The following NCAM1 variants were observed in gnomAD, a reference collection of about 807,000 sequenced individuals.
NCAM1 encodes neural cell adhesion molecule 1, also known as antigen recognized by monoclonal antibody 5.1H11.
NCAM1 carries 14 observed loss-of-function variants against 109.8 expected under a neutral mutation model. The observed-to-expected ratio is 0.13, with a 90% confidence interval of 0.08 to 0.20. NCAM1 has a LOEUF of 0.20. NCAM1 is among the 10% of genes least tolerant of loss of function. The pLI is 1.00. For synonymous variants in NCAM1, 418 were observed against 442.9 expected, an observed-to-expected ratio of 0.94 and a Z score of 0.70; for missense variants, 774 against 1,109.9, an observed-to-expected ratio of 0.70 and a Z score of 4.30.
intron 1 of NCAM1, among the ~76,000 whole-genome samples, chr11:113,153,525 T>C (rs745830555): frequency 6.6e-6 from 1 of 152,032 alleles, no homozygotes; most frequent in Admixed American, 6.6e-5. Context: ...ATGTTTGTCA[T>C]GATTCTGGCT....
intron 1 of NCAM1, among the ~76,000 whole-genome samples, chr11:113,056,884 A>G (rs1051976474): frequency 1.7e-4 from 26 of 152,198 alleles, no homozygotes; most frequent in Non-Finnish European, 1.3e-4. Context: ...GCGATAGATA[A>G]CTAATATATT....
At chr11:113,018,032 G>C (rs1266869298) in intron 1 of NCAM1, among the ~76,000 whole-genome samples, 3 of 152,176 alleles carry the variant, frequency 2.0e-5, no homozygotes, top group African/African-American at 7.2e-5. Flanking sequence ...GTTGGAGTAA[G>C]TTTCCACTGG....
At chr11:113,097,050 C>T (rs1304652981) in intron 1 of NCAM1, among the ~76,000 whole-genome samples, 1 of 152,162 alleles carries the variant, frequency 6.6e-6, no homozygotes, top group Non-Finnish European at 1.5e-5. Context: ...ATCTAATGCC[C>T]TAATGGAAAG....
At chr11:113,262,401 C>A (rs1946034177) in intron 17 of NCAM1, among the ~76,000 whole-genome samples, 1 of 152,228 alleles carries the variant, frequency 6.6e-6, no homozygotes, top group Non-Finnish European at 1.5e-5. Context: ...ATCTAAGAGG[C>A]TTCACCTTAG....
intron 1 of NCAM1, among the ~76,000 whole-genome samples, chr11:113,149,442 G>A (rs1284904386): frequency 6.6e-6 from 1 of 152,188 alleles, no homozygotes; most frequent in Non-Finnish European, 1.5e-5. Flanking sequence ...GCTGAGGACA[G>A]GGCAGAGGAA....
intron 14 of NCAM1, chr11:113,240,843 A>G: frequency 6.2e-7 from 1 of 1,611,612 alleles, no homozygotes; most frequent in South Asian, 1.1e-5. Flanking sequence ...AGTGAGTATC[A>G]TTTTCTTCAT....
In NCAM1 at chr11:113,036,752, C is replaced by T. The variant is rs571587377; in HGVS notation, c.52+75088C>T. On this transcript the variant is annotated intron_variant, in intron 1 of 19. Coordinates refer to ENST00000316851, the MANE Select transcript of NCAM1 (RefSeq NM_181351.5). ...TACCTTGCAAGGTAAGCTTCTACCC[C>T]GCCCCACCTCAAATATTTCAAGGAA... Among the ~76,000 whole-genome samples, 11 of 152,228 alleles carry T rather than the reference C, an allele frequency of 7.2e-5. No individual in the cohort carries two copies. In the East Asian group the frequency reaches 1.9e-3, roughly 27 times the overall value.
At chr11:112,995,615 T>C (rs1361230539) in intron 1 of NCAM1, among the ~76,000 whole-genome samples, 1 of 152,220 alleles carries the variant, frequency 6.6e-6, no homozygotes, top group Non-Finnish European at 1.5e-5. Context: ...CATGCTATTA[T>C]TATCTATTCT....
In NCAM1 at chr11:113,190,874, A is replaced by G. The variant is rs147724307; in HGVS notation, c.53-11505A>G. 5.3e-5 allele frequency among the ~76,000 whole-genome samples: 8 copies of G among 152,248 alleles called. No homozygotes were observed. The East Asian group carries it at 1.5e-3, about 29-fold the overall frequency. ...TCCAACAGGAATCCCTTTAACATGG[A>G]CACTCTACAGATGACCCCTTAAGGA... On this transcript the variant is annotated intron_variant, in intron 1 of 19. Transcript: ENST00000316851.
At chr11:113,209,142 G>A (rs907612674) in intron 7 of NCAM1, among the ~76,000 whole-genome samples, 4 of 152,214 alleles carry the variant, frequency 2.6e-5, no homozygotes, top group Admixed American at 1.3e-4. Context: ...GACAGCACTG[G>A]GGAAGTGCCA....
chr11:113,010,722 T>C (rs1555074226), intron 1 of NCAM1, among the ~76,000 whole-genome samples: 1 of 152,224 alleles, frequency 6.6e-6, no homozygotes, highest in Non-Finnish European at 1.5e-5. Context: ...ATTAATTTAA[T>C]TAATTTCAAG....
intron 1 of NCAM1, among the ~76,000 whole-genome samples, chr11:113,069,859 C>T (rs1235602307): frequency 6.6e-6 from 1 of 152,090 alleles, no homozygotes; most frequent in Non-Finnish European, 1.5e-5. Context: ...TACAGTGAGA[C>T]CACTGACTGA....
At chr11:113,239,499 C>CTTTTTTTTTTTTTTTTTTTTTTT (rs55641415) in intron 14 of NCAM1, among the ~76,000 whole-genome samples, 2 of 110,220 alleles carry the variant, frequency 1.8e-5, no homozygotes, top group Admixed American at 1.1e-4. Context: ...TGAGTCTCTA[C>CTTTTTTTTTTTTTTTTTTTTTTT]TTTTTTTTTT....
intron 1 of NCAM1, among the ~76,000 whole-genome samples, chr11:113,036,412 C>G (rs1440533965): frequency 6.6e-6 from 1 of 152,128 alleles, no homozygotes; most frequent in South Asian, 2.1e-4. Context: ...CCTCTGCTCT[C>G]CTCTAGGGTG....
chr11:113,178,284 G>C (rs1555107407), intron 1 of NCAM1, among the ~76,000 whole-genome samples: 1 of 152,120 alleles, frequency 6.6e-6, no homozygotes, highest in Non-Finnish European at 1.5e-5. Context: ...TCGGAGAAGA[G>C]TAAAATAACT....
At position 113,014,163 on chromosome 11, in the gene NCAM1, A is replaced by G. The variant is rs533277352; in HGVS notation, c.52+52499A>G. 2.6e-5 allele frequency among the ~76,000 whole-genome samples: 4 copies of G among 152,288 alleles called. No individual in the cohort carries two copies. In the East Asian group the frequency reaches 7.7e-4, roughly 29 times the overall value. ...GGCTTGGGGAACACATTTAAAAGGC[A>G]TTTTGGGTTTTAGCTGAGAATACTT... is the stretch of plus-strand genomic sequence containing the variant. On this transcript the variant is annotated intron_variant, in intron 1 of 19. Coordinates refer to ENST00000316851, the MANE Select transcript of NCAM1 (RefSeq NM_181351.5).
chr11:113,162,367 C>CAGT (rs1236842397), intron 1 of NCAM1, among the ~76,000 whole-genome samples: 2 of 152,064 alleles, frequency 1.3e-5, no homozygotes, highest in African/African-American at 4.8e-5. Flanking sequence ...GTGCCTGCTG[C>CAGT]AGTGTAGGAG....
At chr11:113,245,711 C>T (rs1462255405) in intron 14 of NCAM1, among the ~76,000 whole-genome samples, 1 of 152,170 alleles carries the variant, frequency 6.6e-6, no homozygotes, top group Non-Finnish European at 1.5e-5. Context: ...GGCATGCATC[C>T]ACCCAGCCTC....
intron 1 of NCAM1, among the ~76,000 whole-genome samples, chr11:113,039,356 G>A (rs1004325120): frequency 6.6e-6 from 1 of 152,136 alleles, no homozygotes; most frequent in Non-Finnish European, 1.5e-5. Context: ...TCTGTAATGC[G>A]GGAAGATGAA....
Sources: gnomAD v4.1 joint callset for allele counts (sites outside exome capture counted in the v4.1 genomes callset) on GRCh38, gnomAD v4.1.1 for gene constraint, MANE v1.5 for transcripts, NCBI Gene and HGNC (gene_info 2026-07-23, HGNC 2026-07-21) for gene names.